SMG6: variants seen among roughly 807,000 people sequenced by gnomAD.
The protein encoded by SMG6 is SMG6 nonsense mediated mRNA decay factor.
In SMG6, 66 loss-of-function variants were observed where a neutral mutation model predicts 142.2. That is an observed-to-expected ratio of 0.46 (90% CI 0.38 to 0.57). The LOEUF is 0.57. SMG6 is among the 20% of genes least tolerant of loss of function. The probability of loss-of-function intolerance (pLI) is 0.00; values close to 1 mark genes in which losing one functional copy is unlikely to be tolerated. For synonymous variants in SMG6, 779 were observed against 702.4 expected (o/e 1.11, Z -1.72); for missense variants, 1,793 against 1,832.0 (o/e 0.98, Z 0.39).
At chr17:2,133,674 A>G (rs1001846195) in intron 13 of SMG6, among the ~76,000 whole-genome samples, 1 of 152,174 alleles carries the variant, frequency 6.6e-6, no homozygotes, top group Admixed American at 6.5e-5. Context: ...AGTAGCTAGG[A>G]TTACAGGTAC....
chr17:2,212,953 ATTAACAGT>A (rs1368339813), intron 10 of SMG6, among the ~76,000 whole-genome samples: 6 of 152,262 alleles, frequency 3.9e-5, no homozygotes, highest in Non-Finnish European at 8.8e-5. Context: ...TAGACAAAGA[ATTAACAGT>A]TTGTAGTGAG....
At chr17:2,249,471 A>T (rs2074000821) in intron 8 of SMG6, among the ~76,000 whole-genome samples, 1 of 151,752 alleles carries the variant, frequency 6.6e-6, no homozygotes, top group Admixed American at 6.6e-5. Context: ...ATTTATTTTC[A>T]TTTTTTGTAG....
chr17:2,242,689 TA>T (rs57079220), intron 9 of SMG6, among the ~76,000 whole-genome samples: 22,181 of 55,464 alleles, frequency 0.4, 3,348 homozygotes, highest in Admixed American at 0.46. Flanking sequence ...TCCATCTCTT[TA>T]AAAAAAAAAA....
rs1472969326 is a variant in SMG6 at position 2,060,289 on chromosome 17, AG to A, written c.*1202del. 1 of 152,202 alleles carries A rather than the reference AG, an allele frequency of 6.6e-6. No homozygotes were observed. The highest frequency in any genetic ancestry group is 2.4e-5 in the African/African-American group (1 of 41,422). The allele number at this position is 152,202 out of a possible 1,614,324, so 9.4% of individuals were successfully genotyped here. On this transcript the variant is annotated 3_prime_UTR_variant, in exon 19 of 19. Coordinates refer to ENST00000263073, the MANE Select transcript of SMG6 (RefSeq NM_017575.5). ...TCTTGGTAAGGAAGCCTCCCCACTG[AG>A]GTACCAGCTAAAGGGGCAAGGAAAG...
At chr17:2,121,523 ATATAAT>A (rs917680805) in intron 13 of SMG6, among the ~76,000 whole-genome samples, 8 of 151,980 alleles carry the variant, frequency 5.3e-5, no homozygotes, top group South Asian at 4.1e-4. Context: ...AGGGATTATA[ATATAAT>A]TATATGATTA....
At chr17:2,257,466 G>C (rs1411662999) in intron 8 of SMG6, among the ~76,000 whole-genome samples, 2 of 152,128 alleles carry the variant, frequency 1.3e-5, no homozygotes, top group African/African-American at 4.8e-5. Flanking sequence ...TAAAGGAAAA[G>C]GTATTTCTGT....
intron 8 of SMG6, among the ~76,000 whole-genome samples, chr17:2,250,878 G>A (rs909756714): frequency 1.3e-5 from 2 of 152,140 alleles, no homozygotes; most frequent in African/African-American, 4.8e-5. Flanking sequence ...GGAGGAGGAT[G>A]TGGGCGCACT....
chr17:2,160,962 CAA>C (rs2071157994), intron 13 of SMG6, among the ~76,000 whole-genome samples: 1 of 152,022 alleles, frequency 6.6e-6, no homozygotes, highest in Non-Finnish European at 1.5e-5. Flanking sequence ...AAGTTTAAAT[CAA>C]AGTTTCTTTT....
At chr17:2,205,178 C>T (rs886681088) in intron 10 of SMG6, among the ~76,000 whole-genome samples, 1 of 152,106 alleles carries the variant, frequency 6.6e-6, no homozygotes, top group African/African-American at 2.4e-5. Flanking sequence ...AAGCGATTCT[C>T]CTGCATCAGC....
chr17:2,087,580 C>T, intron 13 of SMG6: 1 of 1,003,318 alleles, frequency 1.0e-6, no homozygotes, highest in Non-Finnish European at 1.2e-6. Flanking sequence ...AGAAAAAGTT[C>T]AGCCCCTTGA....
At chr17:2,269,239 A>T (rs2074493998) in intron 8 of SMG6, among the ~76,000 whole-genome samples, 2 of 148,484 alleles carry the variant, frequency 1.3e-5, no homozygotes, top group Admixed American at 1.3e-4. Context: ...AAAAAAAAAA[A>T]AATTAGCCGG....
At chr17:2,170,471 G>C (rs964663260) in intron 13 of SMG6, among the ~76,000 whole-genome samples, 2 of 152,246 alleles carry the variant, frequency 1.3e-5, no homozygotes, top group African/African-American at 4.8e-5. Context: ...CCAAAGAAAA[G>C]TATGGGGATC....
chr17:2,123,915 C>A (rs1476723533), intron 13 of SMG6, among the ~76,000 whole-genome samples: 1 of 152,232 alleles, frequency 6.6e-6, no homozygotes, highest in Non-Finnish European at 1.5e-5. Flanking sequence ...TATCTGCTCA[C>A]CCCACCCTCC....
chr17:2,217,310 T>A (rs942294641), intron 10 of SMG6, among the ~76,000 whole-genome samples: 1 of 152,050 alleles, frequency 6.6e-6, no homozygotes, highest in Non-Finnish European at 1.5e-5. Flanking sequence ...ATTTAAAACA[T>A]GTTTAATTCT....
At chr17:2,183,736 G>A (rs1243219137) in intron 12 of SMG6, among the ~76,000 whole-genome samples, 1 of 146,048 alleles carries the variant, frequency 6.8e-6, no homozygotes, top group Non-Finnish European at 1.5e-5. Context: ...CCCTGATACA[G>A]GTGCGTGCGA....
chr17:2,144,185 A>G lies in SMG6; in HGVS notation c.3357+28473T>C, dbSNP rs371196991. Among the ~76,000 whole-genome samples the G allele has an allele frequency of 2.7e-5, 4 of 150,858 alleles. No homozygotes were observed. In the East Asian group the frequency reaches 5.8e-4, roughly 22 times the overall value. On this transcript the variant is annotated intron_variant, in intron 13 of 18. Transcript: ENST00000263073. ...GTGATTCTCCTGCCTCAGGCTCCAGAGTAGCTGGGATTACAGGTGCCTGCC... is the reference window on the plus strand; with the variant it reads ...GTGATTCTCCTGCCTCAGGCTCCAGGGTAGCTGGGATTACAGGTGCCTGCC...
At chr17:2,075,824 TG>T (rs2068242519) in intron 15 of SMG6, among the ~76,000 whole-genome samples, 1 of 152,210 alleles carries the variant, frequency 6.6e-6, no homozygotes, top group Non-Finnish European at 1.5e-5. Flanking sequence ...CTCAAAGCCC[TG>T]GGTGGGCGGA....
chr17:2,202,566 AAAAT>A (rs933014969), intron 10 of SMG6, among the ~76,000 whole-genome samples: 1 of 152,182 alleles, frequency 6.6e-6, no homozygotes, highest in Non-Finnish European at 1.5e-5. Flanking sequence ...AGGAAAAAAA[AAAAT>A]AGAGTAATGA....
chr17:2,198,240 G>T (rs2072393394), intron 10 of SMG6, among the ~76,000 whole-genome samples: 1 of 152,130 alleles, frequency 6.6e-6, no homozygotes, highest in South Asian at 2.1e-4. Flanking sequence ...AGCTTCAAAA[G>T]GTTATATACT....
Sources: gnomAD v4.1 joint callset for allele counts (sites outside exome capture counted in the v4.1 genomes callset) on GRCh38, gnomAD v4.1.1 for gene constraint, MANE v1.5 for transcripts, NCBI Gene and HGNC (gene_info 2026-07-23, HGNC 2026-07-21) for gene names.